Variants in STRBP observed in about 807,000 individuals in gnomAD.
STRBP encodes the protein spermatid perinuclear RNA binding protein, also known as spermatid perinuclear RNA-binding protein.
A neutral mutation model predicts 80.1 loss-of-function variants in STRBP; 13 were observed. The ratio of observed to expected loss-of-function variants is 0.16; its 90% CI spans 0.11 to 0.26. The LOEUF is 0.26. Among genes scored for constraint, STRBP ranks in the 10% least tolerant of loss-of-function variants. The pLI is 1.00. For missense variants in STRBP, 485 were observed against 815.2 expected (o/e 0.59, Z 4.93); for synonymous variants, 284 against 291.2 (o/e 0.98, Z 0.25).
chr9:123,180,834 C>T, intron 3 of STRBP: 1 of 738,332 alleles, frequency 1.4e-6, no homozygotes, highest in Non-Finnish European at 1.7e-6. Context: ...CTAAAATATT[C>T]CATTTAAAAG....
At chr9:123,260,769 G>A (rs1427860131) in intron 1 of STRBP, among the ~76,000 whole-genome samples, 1 of 152,176 alleles carries the variant, frequency 6.6e-6, no homozygotes, top group Non-Finnish European at 1.5e-5. Context: ...GGGCTGAGCA[G>A]CAAAATGCTG....
At chr9:123,194,848 T>C (rs1278459961) in intron 2 of STRBP, among the ~76,000 whole-genome samples, 2 of 152,152 alleles carry the variant, frequency 1.3e-5, no homozygotes, top group Non-Finnish European at 2.9e-5. Context: ...TCCTACTTTA[T>C]AAATTACTCC....
At chr9:123,210,778 A>C (rs1029495239) in intron 2 of STRBP, among the ~76,000 whole-genome samples, 3 of 152,128 alleles carry the variant, frequency 2.0e-5, no homozygotes, top group African/African-American at 7.2e-5. Context: ...GCAGTGAGCC[A>C]AGATCGTGCC....
chr9:123,263,865 A>G (rs2041211169), intron 1 of STRBP, among the ~76,000 whole-genome samples: 1 of 152,200 alleles, frequency 6.6e-6, no homozygotes, highest in African/African-American at 2.4e-5. Flanking sequence ...AAAATGTATT[A>G]TGTTTATTAT....
chr9:123,267,783 A>G (rs1226919877), intron 1 of STRBP, among the ~76,000 whole-genome samples: 1 of 146,610 alleles, frequency 6.8e-6, no homozygotes, highest in Non-Finnish European at 1.5e-5. Flanking sequence ...GTCCTGCTCG[A>G]GTCCCCAGTC....
At chr9:123,245,972 C>T (rs781626253) in intron 1 of STRBP, among the ~76,000 whole-genome samples, 1 of 152,178 alleles carries the variant, frequency 6.6e-6, no homozygotes, top group Non-Finnish European at 1.5e-5. Flanking sequence ...TTTTAAATAA[C>T]GTTCCTACTC....
intron 8 of STRBP, among the ~76,000 whole-genome samples, chr9:123,159,821 C>T (rs1564249946): frequency 6.6e-6 from 1 of 152,090 alleles, no homozygotes; most frequent in African/African-American, 2.4e-5. Flanking sequence ...GCATAATTTC[C>T]AAGTTAAGTC....
intron 4 of STRBP, among the ~76,000 whole-genome samples, chr9:123,177,296 G>A (rs1430955360): frequency 1.3e-5 from 2 of 152,198 alleles, no homozygotes; most frequent in African/African-American, 2.4e-5. Context: ...GCCTGGCATG[G>A]TGGCTCATGT....
At chr9:123,241,008 G>C (rs569871212) in intron 1 of STRBP, among the ~76,000 whole-genome samples, 2 of 151,920 alleles carry the variant, frequency 1.3e-5, no homozygotes, top group Non-Finnish European at 2.9e-5. Flanking sequence ...GGAGAAACTC[G>C]ATCTTTACTA....
chr9:123,203,307 T>C (rs2039393323), intron 2 of STRBP, among the ~76,000 whole-genome samples: 2 of 151,648 alleles, frequency 1.3e-5, no homozygotes, highest in Admixed American at 6.6e-5. Context: ...GATCACTCCA[T>C]TGCATGCCAG....
rs764196412 is a variant in STRBP, at chr9:123,161,051, C to A, written c.553G>T (p.Asp185Tyr). ...TGCCTGTCCAATAAGTCCGGAGGAT[C>A]TTTCATCGAAACATTTTCTAACAGT... ...KKDGENVSMK[D>Y]PPDLLDRQKC... The change falls in exon 7 of 19, where the codon GAT (aspartate) becomes TAT (tyrosine). Residue 185 changes from aspartate to tyrosine, a missense_variant. This residue lies in a region of STRBP where 377 missense variants were observed against 616.1 expected (regional missense o/e 0.61). Transcript: ENST00000348403. The A allele has an allele frequency of 1.9e-6, 3 of 1,599,978 alleles. No homozygotes were observed. The highest frequency in any genetic ancestry group is 2.6e-6 in the Non-Finnish European group (3 of 1,175,048).
At chr9:123,179,283 AGAT>A in intron 3 of STRBP, 56 bp from the exon 4 acceptor site, 2 of 1,460,634 alleles carry the variant, frequency 1.4e-6, no homozygotes, top group South Asian at 1.2e-5. Flanking sequence ...CACCTGAAAA[AGAT>A]GATATACAAC....
At chr9:123,227,036 G>A (rs761439125) in intron 2 of STRBP, among the ~76,000 whole-genome samples, 2 of 152,090 alleles carry the variant, frequency 1.3e-5, no homozygotes, top group Non-Finnish European at 2.9e-5. Flanking sequence ...TAATCCATTC[G>A]TGAGAGTAAA....
At chr9:123,135,873 C>A in intron 16 of STRBP, 168 bp downstream of exon 16, 1 of 698,040 alleles carries the variant, frequency 1.4e-6, no homozygotes, top group South Asian at 2.2e-5. Context: ...AACATGAAAC[C>A]ACTAATCAAA....
rs769118322 is a variant in STRBP, at chr9:123,125,592, A to C, written c.*5T>G. 6.2e-7 allele frequency: 1 copy of C among 1,612,280 alleles called. No individual in the cohort carries two copies. Among genetic ancestry groups the C allele is most frequent in the South Asian group, 1.1e-5 (1 of 90,614 alleles). The stretch of plus-strand genomic sequence containing the variant: ...TGTTCAATAGGAATTAGCTTCTGTC[A>C]TTTGCTAAAAGAATGAGTAGTGGGG... On this transcript the variant is annotated 3_prime_UTR_variant, in exon 19 of 19. Coordinates refer to ENST00000348403, the MANE Select transcript of STRBP (RefSeq NM_018387.5).
At chr9:123,180,130 C>T (rs937639225) in intron 3 of STRBP, among the ~76,000 whole-genome samples, 11 of 152,076 alleles carry the variant, frequency 7.2e-5, no homozygotes, top group Non-Finnish European at 1.5e-4. Context: ...GTAGCAGGTG[C>T]CTATAGTCCT....
chr9:123,238,528 C>A (rs987109266), intron 1 of STRBP, among the ~76,000 whole-genome samples: 4 of 152,218 alleles, frequency 2.6e-5, no homozygotes. Context: ...CTTACAAAAC[C>A]ATTATAGTGA....
Position 123,132,924 on chromosome 9 carries a change from A to G in STRBP, c.1818T>C (p.Ala606=), listed in dbSNP as rs1363108524. Residue 606 remains alanine, a synonymous_variant, in exon 17 of 19, where the codon GCT becomes GCC. Transcript: ENST00000348403. ...VNTAVSAAVQ[A]VRGRGRGTLT... ...GAGTTCCTCTTCCTCTGCCCCGAAC[A>G]GCTTGGACTGCTGCAGACACAGCTG... is the stretch of plus-strand genomic sequence containing the variant. 4 of 1,614,180 alleles carry G rather than the reference A, an allele frequency of 2.5e-6. No homozygotes were observed. Among genetic ancestry groups the G allele is most frequent in the Non-Finnish European group, 3.4e-6 (4 of 1,180,008 alleles).
At chr9:123,211,705 C>G (rs2039714668) in intron 2 of STRBP, among the ~76,000 whole-genome samples, 1 of 152,124 alleles carries the variant, frequency 6.6e-6, no homozygotes, top group African/African-American at 2.4e-5. Context: ...ATCGGTTCAA[C>G]TATAAAGAGT....
Sources: gnomAD v4.1 joint callset for allele counts (sites outside exome capture counted in the v4.1 genomes callset) on GRCh38, gnomAD v4.1.1 for gene constraint, gnomAD v4.1.1 regional missense constraint, MANE v1.5 for transcripts, NCBI Gene and HGNC (gene_info 2026-07-23, HGNC 2026-07-21) for gene names.